SERGEF: variants seen among roughly 807,000 people sequenced by gnomAD.
The protein encoded by SERGEF is secretion regulating guanine nucleotide exchange factor.
In SERGEF, 51 loss-of-function variants were observed where a neutral mutation model predicts 50.0. The ratio of observed to expected loss-of-function variants is 1.02; its 90% CI spans 0.81 to 1.29. The LOEUF (loss-of-function observed/expected upper bound fraction) is 1.29, where lower values mean the gene tolerates loss of function less well. SERGEF is among the 50% of genes most tolerant of loss of function. SERGEF has a pLI of 0.00. For synonymous variants in SERGEF, 205 were observed against 212.4 expected (o/e 0.97, Z 0.30); for missense variants, 521 against 557.0 (o/e 0.94, Z 0.65).
intron 7 of SERGEF, among the ~76,000 whole-genome samples, chr11:17,989,357 C>T (rs954811935): frequency 6.6e-6 from 1 of 152,184 alleles, no homozygotes; most frequent in Admixed American, 6.5e-5. Context: ...AGTCAAGTGA[C>T]TCTGGCTTCT....
intron 10 of SERGEF, among the ~76,000 whole-genome samples, chr11:17,789,516 T>C (rs1849444264): frequency 6.6e-6 from 1 of 152,168 alleles, no homozygotes; most frequent in Non-Finnish European, 1.5e-5. Flanking sequence ...TAACACGTCT[T>C]CCTAGGTTTT....
chr11:17,827,572 A>T (rs1850219272), intron 10 of SERGEF, among the ~76,000 whole-genome samples: 1 of 152,168 alleles, frequency 6.6e-6, no homozygotes, highest in Admixed American at 6.5e-5. Flanking sequence ...GCTGCAGCAC[A>T]ATCTCCTACT....
chr11:18,009,020 C>A (rs994095578), intron 1 of SERGEF, among the ~76,000 whole-genome samples: 1 of 152,060 alleles, frequency 6.6e-6, no homozygotes, highest in Non-Finnish European at 1.5e-5. Flanking sequence ...CAGCTCAGGA[C>A]AGAGAGAGTT....
chr11:17,831,780 C>G (rs913347980), intron 10 of SERGEF, among the ~76,000 whole-genome samples: 3 of 152,190 alleles, frequency 2.0e-5, no homozygotes, highest in African/African-American at 7.2e-5. Context: ...TCTTGTCTGT[C>G]TTCCACATCC....
At chr11:17,857,707 T>C (rs1029659443) in intron 10 of SERGEF, among the ~76,000 whole-genome samples, 1 of 152,218 alleles carries the variant, frequency 6.6e-6, no homozygotes, top group Non-Finnish European at 1.5e-5. Flanking sequence ...GTGGCTTCCC[T>C]TCTGTCATAC....
At chr11:17,906,579 C>T (rs1283789662) in intron 9 of SERGEF, among the ~76,000 whole-genome samples, 3 of 152,130 alleles carry the variant, frequency 2.0e-5, no homozygotes, top group Admixed American at 1.3e-4. Context: ...GGCCACCTGC[C>T]GCCTCTGCGC....
intron 10 of SERGEF, among the ~76,000 whole-genome samples, chr11:17,808,692 G>C (rs1032118657): frequency 1.3e-5 from 2 of 152,204 alleles, no homozygotes; most frequent in Non-Finnish European, 2.9e-5. Context: ...CCAGGATAGT[G>C]ACATTTCCAG....
intron 9 of SERGEF, among the ~76,000 whole-genome samples, chr11:17,945,443 A>G (rs984317413): frequency 1.3e-5 from 2 of 152,252 alleles, no homozygotes; most frequent in African/African-American, 4.8e-5. Context: ...CTGAATTAAA[A>G]TTAAATAAAA....
intron 8 of SERGEF, among the ~76,000 whole-genome samples, chr11:17,986,995 T>C (rs1463977572): frequency 2.0e-5 from 3 of 152,224 alleles, no homozygotes; most frequent in Non-Finnish European, 4.4e-5. Context: ...GCATGGATGA[T>C]AAAGTTTTCC....
At chr11:17,839,841 T>C (rs759068454) in intron 10 of SERGEF, among the ~76,000 whole-genome samples, 9 of 152,306 alleles carry the variant, frequency 5.9e-5, no homozygotes, top group Non-Finnish European at 1.0e-4. Flanking sequence ...CCTAATTTTA[T>C]AGACTAGAAG....
At chr11:17,873,494 AT>A (rs1387839088) in intron 10 of SERGEF, among the ~76,000 whole-genome samples, 2 of 152,194 alleles carry the variant, frequency 1.3e-5, no homozygotes, top group African/African-American at 4.8e-5. Context: ...CTATTTTCCT[AT>A]TAAATTCTTA....
intron 9 of SERGEF, among the ~76,000 whole-genome samples, chr11:17,928,526 T>A (rs1041448942): frequency 1.3e-5 from 2 of 152,120 alleles, no homozygotes; most frequent in African/African-American, 4.8e-5. Context: ...GCAAGCTTTG[T>A]GAGGACAGGA....
At chr11:18,002,124 G>A (rs1448956386) in intron 4 of SERGEF, 2 of 432,834 alleles carry the variant, frequency 4.6e-6, no homozygotes, top group African/African-American at 4.1e-5. Flanking sequence ...AATACAATTT[G>A]AACATATTGT....
chr11:17,888,779 C>T lies in SERGEF; in HGVS notation c.1012-10535G>A, dbSNP rs1427975890. ...ACCCTGGCTTTTAAATACCATTCAA[C>T]TAAGAGGGATCAGAGCTCCTCGGAG... On this transcript the variant is annotated intron_variant, in intron 9 of 10. Coordinates refer to ENST00000265965, the MANE Select transcript of SERGEF (RefSeq NM_012139.4). The surrounding 1 kb of genome is among the most constrained non-coding windows in gnomAD (Gnocchi z 4.1). Among the ~76,000 whole-genome samples the T allele has an allele frequency of 6.6e-6, 1 of 152,068 alleles. No homozygotes were observed. Among genetic ancestry groups the T allele is most frequent in the Non-Finnish European group, 1.5e-5 (1 of 68,032 alleles).
chr11:17,818,240 C>T lies in SERGEF; in HGVS notation c.1049-29827G>A, dbSNP rs529743965. Among the ~76,000 whole-genome samples the T allele has an allele frequency of 6.6e-5, 10 of 152,218 alleles. No individual in the cohort carries two copies. In the South Asian group the frequency reaches 1.9e-3, roughly 28 times the overall value. ...GGCAAAGGCTCAGAGGAACTCAGAC[C>T]TCTGAGCCACACTACCTGGGGGGAT... On this transcript the variant is annotated intron_variant, in intron 10 of 10. Transcript: ENST00000265965.
chr11:17,833,728 AAGG>A (rs1850354330), intron 10 of SERGEF, among the ~76,000 whole-genome samples: 1 of 152,348 alleles, frequency 6.6e-6, no homozygotes, highest in Non-Finnish European at 1.5e-5. Flanking sequence ...CACAGTGTCA[AAGG>A]AGATCATTTT....
Position 18,006,735 on chromosome 11 carries a change from G to C in SERGEF, c.208C>G (p.Leu70Val). 6.2e-7 allele frequency: 1 copy of C among 1,614,086 alleles called. No homozygotes were observed. The highest frequency in any genetic ancestry group is 1.1e-5 in the South Asian group (1 of 91,076). ...TCTTTGTTCAGGCCACAAACAAAGA[G>C]GTCTCCTCCATCTGCAAAATATAAA... Reference protein sequence around the residue: ...HSAVVTDGGDLFVCGLNKDGQ... With the variant: ...HSAVVTDGGDVFVCGLNKDGQ... The change falls in exon 3 of 11, where the codon CTC (leucine) becomes GTC (valine). Residue 70 changes from leucine (L) to valine (V), a missense_variant. Coordinates refer to ENST00000265965, the MANE Select transcript of SERGEF (RefSeq NM_012139.4).
intron 10 of SERGEF, among the ~76,000 whole-genome samples, chr11:17,826,487 T>C (rs944196796): frequency 2.6e-5 from 4 of 152,146 alleles, no homozygotes; most frequent in African/African-American, 9.7e-5. Flanking sequence ...CACTGAGGAA[T>C]TTGGAGCATG....
chr11:17,970,255 GTTA>G (rs1374240296), intron 8 of SERGEF, among the ~76,000 whole-genome samples: 1 of 152,054 alleles, frequency 6.6e-6, no homozygotes, highest in Non-Finnish European at 1.5e-5. Context: ...ACTTTTCATT[GTTA>G]TTATTACATC....
Sources: gnomAD v4.1 joint callset for allele counts (sites outside exome capture counted in the v4.1 genomes callset) on GRCh38, gnomAD v4.1.1 for gene constraint, Gnocchi (gnomAD v3.1) non-coding constraint, MANE v1.5 for transcripts, NCBI Gene and HGNC (gene_info 2026-07-23, HGNC 2026-07-21) for gene names.